JCAD: variants seen among roughly 807,000 people sequenced by gnomAD.
JCAD encodes junctional cadherin 5-associated protein.
In JCAD, 40 loss-of-function variants were observed where a neutral mutation model predicts 98.0. The ratio of observed to expected loss-of-function variants is 0.41; its 90% CI spans 0.32 to 0.53. The LOEUF is 0.53. JCAD is among the 20% of genes least tolerant of loss of function. The probability of loss-of-function intolerance (pLI) is 0.31; values close to 1 mark genes in which losing one functional copy is unlikely to be tolerated. For synonymous variants in JCAD, 691 were observed against 682.3 expected (o/e 1.01, Z -0.20); for missense variants, 1,705 against 1,738.1 (o/e 0.98, Z 0.34).
intron 2 of JCAD, among the ~76,000 whole-genome samples, chr10:30,038,189 A>C (rs1388175634): frequency 6.6e-6 from 1 of 152,148 alleles, no homozygotes; most frequent in Non-Finnish European, 1.5e-5. Context: ...CACCCCTGGG[A>C]CTGGGTTTTG....
At chr10:30,045,114 G>T (rs1334106673) in intron 2 of JCAD, among the ~76,000 whole-genome samples, 3 of 152,184 alleles carry the variant, frequency 2.0e-5, no homozygotes, top group South Asian at 2.1e-4. Context: ...AACAAAGGCA[G>T]CTTGCAGATC....
At chr10:30,078,732 T>G (rs2132679696) in intron 1 of JCAD, among the ~76,000 whole-genome samples, 1 of 152,342 alleles carries the variant, frequency 6.6e-6, no homozygotes, top group South Asian at 2.1e-4. Context: ...ATGTTCCTTT[T>G]TAGAAGTAGA....
intron 1 of JCAD, among the ~76,000 whole-genome samples, chr10:30,104,270 G>A (rs757595775): frequency 6.6e-6 from 1 of 152,128 alleles, no homozygotes; most frequent in Non-Finnish European, 1.5e-5. Flanking sequence ...TCAGTAGCAG[G>A]TTTTTGAGCA....
At chr10:30,100,087 AG>A (rs1838443873) in intron 1 of JCAD, among the ~76,000 whole-genome samples, 1 of 152,146 alleles carries the variant, frequency 6.6e-6, no homozygotes, top group Non-Finnish European at 1.5e-5. Flanking sequence ...GTCAGGGATA[AG>A]AACCCCTTCC....
intron 1 of JCAD, among the ~76,000 whole-genome samples, chr10:30,092,077 A>AAAGTTACTT (rs58895211): frequency 1.5e-5 from 1 of 67,756 alleles, no homozygotes; most frequent in Non-Finnish European, 2.7e-5. Context: ...ATATATATAT[A>AAAGTTACTT]TATATATATA....
chr10:30,024,041 T>C (rs61841113), intron 3 of JCAD, among the ~76,000 whole-genome samples: 44,663 of 152,106 alleles, frequency 0.29, 7,441 homozygotes, highest in Non-Finnish European at 0.38. Flanking sequence ...GATGCATGCC[T>C]GTAGTCCCAG....
In JCAD at chr10:30,026,015, A is replaced by G. The variant is rs747062352; in HGVS notation, c.4045+88T>C. ...AACTTGATCTTTTCTGAATATGCAG[A>G]TTTACATTATCCACCAACCTGGTAT... On this transcript the variant is annotated intron_variant, in intron 3 of 3. Transcript: ENST00000375377. The G allele has an allele frequency of 3.4e-6, 5 of 1,464,760 alleles. No individual in the cohort carries two copies. In the South Asian group the frequency reaches 5.8e-5, roughly 17 times the overall value. The allele number at this position is 1,464,760 out of a possible 1,614,324, so 90.7% of individuals were successfully genotyped here. A position where few individuals can be genotyped will look rare whatever the true frequency, so the allele number is the denominator to read the frequency against.
At chr10:30,111,505 C>A (rs568928088) in intron 1 of JCAD, among the ~76,000 whole-genome samples, 1 of 152,232 alleles carries the variant, frequency 6.6e-6, no homozygotes, top group Non-Finnish European at 1.5e-5. Flanking sequence ...TACTGAGATG[C>A]AATAGTAGAC....
intron 2 of JCAD, among the ~76,000 whole-genome samples, chr10:30,034,460 G>A (rs11595639): frequency 0.078 from 11,898 of 152,204 alleles, 654 homozygotes; most frequent in African/African-American, 0.16. Flanking sequence ...GGCACGGTAG[G>A]AGGTCACAAT....
chr10:30,056,756 T>C (rs984527092), intron 1 of JCAD, among the ~76,000 whole-genome samples: 1 of 152,252 alleles, frequency 6.6e-6, no homozygotes, highest in African/African-American at 2.4e-5. Context: ...TATTTGGTTA[T>C]AGATAATCCA....
intron 2 of JCAD, among the ~76,000 whole-genome samples, chr10:30,031,076 T>A (rs1412929958): frequency 6.6e-6 from 1 of 151,352 alleles, no homozygotes; most frequent in Non-Finnish European, 1.5e-5. Context: ...CCACTGAAAG[T>A]TCAGACTTGG....
Position 30,029,721 on chromosome 10 carries a change from G to C in JCAD, c.427C>G (p.His143Asp). 6.2e-7 allele frequency: 1 copy of C among 1,614,228 alleles called. No homozygotes were observed. The highest frequency in any genetic ancestry group is 8.5e-7 in the Non-Finnish European group (1 of 1,180,044). ...TCCCTCACGTGGACAGGCAGGCTGT[G>C]GGCTTGGGCCATTCCTCTGGCCTCC... is the stretch of plus-strand genomic sequence containing the variant. The part of the protein sequence containing the change: ...NLEARGMAQA[H>D]SLPVHVREGP... Residue 143 changes from histidine (H) to aspartate (D), a missense_variant, in exon 3 of 4, where the codon CAC becomes GAC. Coordinates refer to ENST00000375377, the MANE Select transcript of JCAD (RefSeq NM_020848.4).
chr10:30,107,678 C>T (rs1043771353), intron 1 of JCAD, among the ~76,000 whole-genome samples: 1 of 152,172 alleles, frequency 6.6e-6, no homozygotes, highest in Non-Finnish European at 1.5e-5. Flanking sequence ...TCTATGGACT[C>T]GCCCTGAAGT....
intron 1 of JCAD, among the ~76,000 whole-genome samples, chr10:30,112,378 C>CT (rs1175436424): frequency 6.6e-6 from 1 of 152,088 alleles, no homozygotes; most frequent in African/African-American, 2.4e-5. Context: ...ACTCAGGAGA[C>CT]TGAGACAGGA....
At chr10:30,092,098 T>TTAACTA (rs11268260) in intron 1 of JCAD, among the ~76,000 whole-genome samples, 1 of 44,598 alleles carries the variant, frequency 2.2e-5, no homozygotes, top group Non-Finnish European at 3.5e-5. Flanking sequence ...TAAAGTTACT[T>TTAACTA]TATATATATA....
At chr10:30,068,262 G>GTACC (rs754231423) in intron 2 of JCAD, among the ~76,000 whole-genome samples, 62 of 151,928 alleles carry the variant, frequency 4.1e-4, no homozygotes, top group Non-Finnish European at 2.6e-4. Context: ...ATGGTGGCAG[G>GTACC]TACCTATAAT....
At chr10:30,113,547 T>TCTC (rs1838742260) in intron 1 of JCAD, among the ~76,000 whole-genome samples, 1 of 9,598 alleles carries the variant, frequency 1.0e-4, no homozygotes, top group African/African-American at 1.1e-3. Flanking sequence ...CGAGACACTG[T>TCTC]CAAAAAAAAA....
chr10:30,048,977 A>G (rs1837413432), intron 1 of JCAD, among the ~76,000 whole-genome samples: 1 of 152,192 alleles, frequency 6.6e-6, no homozygotes, highest in Admixed American at 6.5e-5. Context: ...TAGTACCTGA[A>G]TCAACAGCAG....
intron 1 of JCAD, among the ~76,000 whole-genome samples, chr10:30,095,713 C>T (rs1488034579): frequency 2.6e-5 from 4 of 152,178 alleles, no homozygotes; most frequent in Admixed American, 2.0e-4. Flanking sequence ...ATCTTAGAAT[C>T]GTGAGTGCCT....
Sources: allele counts gnomAD v4.1 joint callset (sites outside exome capture counted in the v4.1 genomes callset), GRCh38; gene constraint gnomAD v4.1.1; transcripts MANE v1.5; gene names NCBI Gene and HGNC (gene_info 2026-07-23, HGNC 2026-07-21).